The following MAF variants were observed in gnomAD, a reference collection of about 807,000 sequenced individuals.
MAF encodes the protein transcription factor Maf.
In MAF, 10 loss-of-function variants were observed where a neutral mutation model predicts 22.0. The observed-to-expected ratio is 0.45, with a 90% confidence interval of 0.28 to 0.77. MAF has a LOEUF of 0.77. Among genes scored for constraint, MAF ranks in the 30% least tolerant of loss-of-function variants. The pLI is 0.12. For missense variants in MAF, 544 were observed against 548.4 expected (o/e 0.99, Z 0.08); for synonymous variants, 337 against 255.8 (o/e 1.32, Z -3.03).
the MAF span, among the ~76,000 whole-genome samples, chr16:79,480,994 G>T: frequency 6.6e-6 from 1 of 152,086 alleles, no homozygotes; most frequent in Non-Finnish European, 1.5e-5. Flanking sequence ...ACGTCCCCTC[G>T]CTCCACTTTA....
At chr16:79,403,881 G>C in the MAF span, among the ~76,000 whole-genome samples, 2 of 152,184 alleles carry the variant, frequency 1.3e-5, no homozygotes, top group Non-Finnish European at 2.9e-5. Flanking sequence ...TTGTGGCATG[G>C]ATGGCTGGGG....
chr16:79,486,173 G>A, the MAF span, among the ~76,000 whole-genome samples: 1 of 152,062 alleles, frequency 6.6e-6, no homozygotes, highest in African/African-American at 2.4e-5. Flanking sequence ...TTTTCATGTG[G>A]GGCTCATCTC....
Position 79,599,171 on chromosome 16 carries a change from G to A in MAF, c.732C>T (p.Gly244=), listed in dbSNP as rs1168587498. 6 of 1,222,918 alleles carry A rather than the reference G, an allele frequency of 4.9e-6. No homozygotes were observed. Among genetic ancestry groups the A allele is most frequent in the Non-Finnish European group, 6.1e-6 (6 of 978,184 alleles). 75.8% of individuals were successfully genotyped at this position (1,222,918 alleles called of 1,614,324 possible). Residue 244 remains glycine, a synonymous_variant, in exon 1 of 2, where the codon GGC becomes GGT. Coordinates refer to ENST00000326043, the MANE Select transcript of MAF (RefSeq NM_005360.5). ...CGGCGGCGTGGTGCGGGTGCAGGGC[G>A]CCCCCCGCCCCCGCCGCGCCCCCGC... ...GGGGGAAGAG[G]ALHPHHAAGG... is the part of the protein sequence containing the mutation.
the MAF span, among the ~76,000 whole-genome samples, chr16:79,564,485 T>C: frequency 1.3e-5 from 2 of 152,142 alleles, no homozygotes; most frequent in Non-Finnish European, 2.9e-5. Context: ...AAATAATACA[T>C]CTTTGAGCCT....
At chr16:79,598,347 A>T (rs930116949) in intron 1 of MAF, 143 of 1,125,234 alleles carry the variant, frequency 1.3e-4, no homozygotes, top group Non-Finnish European at 1.6e-4. Flanking sequence ...GAAGAAGAAG[A>T]AAAAATATGT....
the MAF span, among the ~76,000 whole-genome samples, chr16:79,260,463 C>CTA: frequency 4.1e-5 from 6 of 145,332 alleles, no homozygotes; most frequent in Admixed American, 1.4e-4. Context: ...ATGTATCTAT[C>CTA]TATCTATATC....
the MAF span, among the ~76,000 whole-genome samples, chr16:79,464,725 T>C: frequency 1.3e-5 from 2 of 152,202 alleles, no homozygotes; most frequent in African/African-American, 4.8e-5. Context: ...AGGGGACTGC[T>C]GTTCAAGGTT....
the MAF span, among the ~76,000 whole-genome samples, chr16:79,444,830 C>A: frequency 3.3e-5 from 5 of 152,130 alleles, no homozygotes; most frequent in Non-Finnish European, 7.3e-5. Context: ...TTGGAAATCC[C>A]AGATTGATTT....
chr16:79,220,300 A>G, the MAF span, among the ~76,000 whole-genome samples: 1 of 150,842 alleles, frequency 6.6e-6, no homozygotes, highest in East Asian at 1.9e-4. Flanking sequence ...CATGCCCAGC[A>G]TTTAAGTTTG....
the MAF span, among the ~76,000 whole-genome samples, chr16:79,474,353 T>G: frequency 6.6e-6 from 1 of 152,218 alleles, no homozygotes; most frequent in East Asian, 1.9e-4. Flanking sequence ...GCAGAAATCA[T>G]GCTTGATGAA....
the MAF span, among the ~76,000 whole-genome samples, chr16:79,224,907 G>A: frequency 1.3e-5 from 2 of 152,172 alleles, no homozygotes; most frequent in Non-Finnish European, 2.9e-5. Context: ...TGGGTAGGAA[G>A]AATCAATATT....
At chr16:79,317,917 C>T in the MAF span, among the ~76,000 whole-genome samples, 18 of 9,038 alleles carry the variant, frequency 2.0e-3, no homozygotes, top group Non-Finnish European at 0.023. Context: ...CATTCATTCA[C>T]TCACTCACTC....
the MAF span, among the ~76,000 whole-genome samples, chr16:79,279,517 C>G: frequency 1.3e-5 from 2 of 152,112 alleles, no homozygotes; most frequent in East Asian, 3.9e-4. Flanking sequence ...GGAGCACAGG[C>G]CAGGACAGAA....
chr16:79,267,108 G>C, the MAF span, among the ~76,000 whole-genome samples: 1 of 152,228 alleles, frequency 6.6e-6, no homozygotes, highest in African/African-American at 2.4e-5. Flanking sequence ...AGTCAGGATA[G>C]CTAAGAGACC....
chr16:79,545,953 T>G, the MAF span, among the ~76,000 whole-genome samples: 2 of 152,188 alleles, frequency 1.3e-5, no homozygotes, highest in Admixed American at 6.5e-5. Flanking sequence ...TTTGCTTGAT[T>G]TAATTAATCT....
chr16:79,463,322 C>A, the MAF span, among the ~76,000 whole-genome samples: 1 of 152,178 alleles, frequency 6.6e-6, no homozygotes, highest in African/African-American at 2.4e-5. Context: ...AATGACATGA[C>A]CTGATTTACA....
At chr16:79,337,353 C>G in the MAF span, among the ~76,000 whole-genome samples, 7,665 of 152,196 alleles carry the variant, frequency 0.05, 367 homozygotes, top group East Asian at 0.19. Context: ...AGGCGGATCA[C>G]CAGGTCTGGA....
the MAF span, among the ~76,000 whole-genome samples, chr16:79,556,395 T>A: frequency 3.3e-5 from 5 of 152,338 alleles, no homozygotes; most frequent in Admixed American, 2.0e-4. Flanking sequence ...TGCCATGATC[T>A]GGTTTAGCAT....
chr16:79,530,384 G>A, the MAF span, among the ~76,000 whole-genome samples: 2 of 152,108 alleles, frequency 1.3e-5, no homozygotes, highest in Non-Finnish European at 1.5e-5. Context: ...CAAATTCAGA[G>A]CACCCTGATA....
Sources: gnomAD v4.1 joint callset for allele counts (sites outside exome capture counted in the v4.1 genomes callset) on GRCh38, gnomAD v4.1.1 for gene constraint, MANE v1.5 for transcripts, NCBI Gene and HGNC (gene_info 2026-07-23, HGNC 2026-07-21) for gene names.